Variants in MARK1 observed in about 807,000 individuals in gnomAD.
MARK1 encodes serine/threonine-protein kinase MARK1.
Under a neutral mutation model 96.3 loss-of-function variants are expected in MARK1, and 40 were observed. The observed-to-expected ratio is 0.42, with a 90% CI of 0.32 to 0.54. MARK1 has a LOEUF of 0.54. Ranked by LOEUF, MARK1 falls within the 20% of genes least tolerant of loss-of-function variation. The pLI is 0.16. For synonymous variants in MARK1, 317 were observed against 341.2 expected (o/e 0.93, Z 0.78); for missense variants, 719 against 984.6 (o/e 0.73, Z 3.61).
Position 220,606,147 on chromosome 1 carries a change from C to T in MARK1, c.495+2010C>T, listed in dbSNP as rs530466536. 2.0e-4 allele frequency among the ~76,000 whole-genome samples: 31 copies of T among 152,334 alleles called. No individual in the cohort carries two copies. The East Asian group carries it at 5.8e-3, about 28-fold the overall frequency. On this transcript the variant is annotated intron_variant, in intron 6 of 17. Coordinates refer to ENST00000366917, the MANE Select transcript of MARK1 (RefSeq NM_018650.5). ...CTCCCACCCACAGTGTAAAAGCGTT[C>T]CTATTTCTCCACATCCTCTCCAGCA...
Position 220,662,774 on chromosome 1 carries a change from C to G in MARK1, c.*608C>G, listed in dbSNP as rs1669545892. On this transcript the variant is annotated 3_prime_UTR_variant, in exon 18 of 18. Coordinates refer to ENST00000366917, the MANE Select transcript of MARK1 (RefSeq NM_018650.5). ...CCCGCAAGGTTTAGTTGAGAAGATA[C>G]AAAATGTTTACAGTGTTGGCACTTA... 6.6e-6 allele frequency: 1 copy of G among 152,588 alleles called. No homozygotes were observed. Among genetic ancestry groups the G allele is most frequent in the South Asian group, 2.1e-4 (1 of 4,832 alleles). The allele number at this position is 152,588 out of a possible 1,614,324, so 9.5% of individuals were successfully genotyped here. A position where few individuals can be genotyped will look rare whatever the true frequency, so the allele number is the denominator to read the frequency against.
chr1:220,628,245 A>G (rs542147689), intron 9 of MARK1, among the ~76,000 whole-genome samples: 1 of 152,112 alleles, frequency 6.6e-6, no homozygotes, highest in Non-Finnish European at 1.5e-5. Context: ...CTCAGCTTTT[A>G]TACATACGTG....
At chr1:220,529,627 A>C (rs1010611716) in intron 1 of MARK1, among the ~76,000 whole-genome samples, 3 of 152,184 alleles carry the variant, frequency 2.0e-5, no homozygotes, top group Non-Finnish European at 4.4e-5. Flanking sequence ...GGAGTGTCAC[A>C]AGGTGCACAT....
chr1:220,598,620 C>T (rs913944903), intron 4 of MARK1, among the ~76,000 whole-genome samples: 1 of 151,684 alleles, frequency 6.6e-6, no homozygotes, highest in Non-Finnish European at 1.5e-5. Context: ...CTGCTCTCCA[C>T]TAAAATAATT....
chr1:220,608,736 A>G (rs1410490145), intron 6 of MARK1, among the ~76,000 whole-genome samples: 5 of 152,192 alleles, frequency 3.3e-5, no homozygotes, highest in African/African-American at 1.2e-4. Context: ...AATGTGTCCC[A>G]GAGATTCTGG....
intron 9 of MARK1, among the ~76,000 whole-genome samples, chr1:220,625,453 C>A (rs898015010): frequency 6.6e-6 from 1 of 152,116 alleles, no homozygotes; most frequent in Non-Finnish European, 1.5e-5. Context: ...ACATGATTAA[C>A]AGGTAAACCA....
chr1:220,556,597 A>G (rs1662282079), intron 1 of MARK1, among the ~76,000 whole-genome samples: 1 of 152,102 alleles, frequency 6.6e-6, no homozygotes, highest in African/African-American at 2.4e-5. Flanking sequence ...ACTGGAAATA[A>G]TGCGACTATC....
At position 220,662,855 on chromosome 1, in the gene MARK1, A is replaced by G. The variant is rs2103083041; in HGVS notation, c.*689A>G. The G allele has an allele frequency of 6.5e-6, 1 of 152,762 alleles. No homozygotes were observed. Among genetic ancestry groups the G allele is most frequent in the African/African-American group, 2.4e-5 (1 of 41,586 alleles). 9.5% of individuals were successfully genotyped at this position (152,762 alleles called of 1,614,324 possible). ...GTAATAGCATTGCCTTGAGCTAACTAGGAAGTACCGGGAAAAAAGTTAAAT... is the reference window on the plus strand; with the variant it reads ...GTAATAGCATTGCCTTGAGCTAACTGGGAAGTACCGGGAAAAAAGTTAAAT... On this transcript the variant is annotated 3_prime_UTR_variant, in exon 18 of 18. Transcript: ENST00000366917.
At chr1:220,647,452 A>C (rs1187018883) in intron 13 of MARK1, among the ~76,000 whole-genome samples, 1 of 152,246 alleles carries the variant, frequency 6.6e-6, no homozygotes, top group Non-Finnish European at 1.5e-5. Flanking sequence ...GTGGGAATGT[A>C]AATTAGTTCA....
chr1:220,604,985 G>A lies in MARK1; in HGVS notation c.495+848G>A, dbSNP rs574544684. Among the ~76,000 whole-genome samples, 21 of 152,082 alleles carry A rather than the reference G, an allele frequency of 1.4e-4. 1 individual carries two copies. The South Asian group carries it at 4.4e-3, about 32-fold the overall frequency. ...GGCTCGCTACCTCTTCTGCCTGCATGAACACTTTAATTCTACAATTAAAGA... is the reference window on the plus strand; with the variant it reads ...GGCTCGCTACCTCTTCTGCCTGCATAAACACTTTAATTCTACAATTAAAGA... On this transcript the variant is annotated intron_variant, in intron 6 of 17. Coordinates refer to ENST00000366917, the MANE Select transcript of MARK1 (RefSeq NM_018650.5).
At chr1:220,656,331 C>T (rs1244761373) in intron 16 of MARK1, among the ~76,000 whole-genome samples, 3 of 152,196 alleles carry the variant, frequency 2.0e-5, no homozygotes, top group Non-Finnish European at 4.4e-5. Context: ...ATTGCTATTT[C>T]AGTCAATTAC....
At chr1:220,579,015 G>T (rs1664050782) in intron 1 of MARK1, among the ~76,000 whole-genome samples, 1 of 151,898 alleles carries the variant, frequency 6.6e-6, no homozygotes, top group African/African-American at 2.4e-5. Context: ...GCTAATTTTT[G>T]TGTTTTTGTA....
chr1:220,641,569 C>T (rs547818864), intron 13 of MARK1, among the ~76,000 whole-genome samples: 31 of 151,566 alleles, frequency 2.0e-4, no homozygotes, highest in Non-Finnish European at 2.5e-4. Flanking sequence ...AAGACATGAA[C>T]GCTAAGAAAA....
At chr1:220,621,184 C>T (rs572410807) in intron 9 of MARK1, among the ~76,000 whole-genome samples, 2 of 152,050 alleles carry the variant, frequency 1.3e-5, no homozygotes, top group South Asian at 4.1e-4. Flanking sequence ...GAATGCACTC[C>T]TTCCTTTTTA....
chr1:220,624,297 CA>C (rs61237689), intron 9 of MARK1, among the ~76,000 whole-genome samples: 8,535 of 114,580 alleles, frequency 0.074, 375 homozygotes, highest in Middle Eastern at 0.2. Context: ...GATTCCATCT[CA>C]AAAAAAAAAA....
intron 1 of MARK1, 80 bp downstream of exon 1, chr1:220,528,953 C>T (rs1015727516): frequency 3.8e-5 from 54 of 1,412,996 alleles, no homozygotes; most frequent in Non-Finnish European, 4.7e-5. Context: ...CTTGGGCCGT[C>T]CCCCGTGCCT....
intron 1 of MARK1, among the ~76,000 whole-genome samples, chr1:220,536,560 T>C (rs1461131377): frequency 6.6e-6 from 1 of 151,168 alleles, no homozygotes; most frequent in Non-Finnish European, 1.5e-5. Flanking sequence ...GTCCTCTCTC[T>C]CTTTTTTTTT....
intron 6 of MARK1, among the ~76,000 whole-genome samples, chr1:220,606,954 A>G (rs1455249810): frequency 2.0e-5 from 3 of 152,170 alleles, no homozygotes; most frequent in African/African-American, 7.2e-5. Flanking sequence ...ATCAGGTAGC[A>G]TGATGCCTCC....
At chr1:220,609,911 A>G (rs1029641786) in intron 6 of MARK1, among the ~76,000 whole-genome samples, 2 of 152,210 alleles carry the variant, frequency 1.3e-5, no homozygotes, top group African/African-American at 4.8e-5. Flanking sequence ...GTTTGTGCCA[A>G]GAGATCCTCT....
Sources: allele counts gnomAD v4.1 joint callset (sites outside exome capture counted in the v4.1 genomes callset), GRCh38; gene constraint gnomAD v4.1.1; transcripts MANE v1.5; gene names NCBI Gene and HGNC (gene_info 2026-07-23, HGNC 2026-07-21).